PPM1H: variants seen among roughly 807,000 people sequenced by gnomAD.
PPM1H encodes protein phosphatase, Mg2+/Mn2+ dependent 1H, also known as protein phosphatase 1H.
Under a neutral mutation model 54.9 loss-of-function variants are expected in PPM1H, and 27 were observed. The ratio of observed to expected loss-of-function variants is 0.49; its 90% CI spans 0.36 to 0.68. The LOEUF is 0.68. Ranked by LOEUF, PPM1H falls within the 30% of genes least tolerant of loss-of-function variation. The pLI, the probability that PPM1H is intolerant of heterozygous loss-of-function variation, is 0.00. For missense variants in PPM1H, 596 were observed against 667.8 expected (o/e 0.89, Z 1.19); for synonymous variants, 305 against 270.8 (o/e 1.13, Z -1.24).
intron 3 of PPM1H, among the ~76,000 whole-genome samples, chr12:62,795,078 T>C (rs948422280): frequency 3.3e-5 from 5 of 152,116 alleles, no homozygotes; most frequent in Non-Finnish European, 4.4e-5. Flanking sequence ...TAAAAACCAG[T>C]GGTCATAGGT....
intron 4 of PPM1H, among the ~76,000 whole-genome samples, chr12:62,767,166 G>A (rs1246536274): frequency 6.6e-6 from 1 of 152,196 alleles, no homozygotes; most frequent in Non-Finnish European, 1.5e-5. Flanking sequence ...TGGAGTGTGG[G>A]AGGGAAGTGC....
intron 2 of PPM1H, among the ~76,000 whole-genome samples, chr12:62,822,033 T>C (rs1393580747): frequency 1.3e-5 from 2 of 151,890 alleles, no homozygotes; most frequent in Admixed American, 6.6e-5. Context: ...GAGACATACA[T>C]AGGCTCAAAA....
At chr12:62,762,619 T>C (rs916166936) in intron 4 of PPM1H, among the ~76,000 whole-genome samples, 1 of 152,240 alleles carries the variant, frequency 6.6e-6, no homozygotes, top group African/African-American at 2.4e-5. Flanking sequence ...GAAGATGCTA[T>C]ACAATCTGCA....
intron 1 of PPM1H, among the ~76,000 whole-genome samples, chr12:62,889,513 A>G (rs948880979): frequency 3.3e-5 from 5 of 151,942 alleles, no homozygotes; most frequent in African/African-American, 9.7e-5. Flanking sequence ...AAAAATATAT[A>G]TATAAAAATA....
intron 1 of PPM1H, among the ~76,000 whole-genome samples, chr12:62,866,700 C>A (rs1436988303): frequency 6.6e-6 from 1 of 152,072 alleles, no homozygotes; most frequent in Non-Finnish European, 1.5e-5. Context: ...AGAGGCTGAG[C>A]CAGAAATACC....
chr12:62,845,193 A>C (rs932698918), intron 1 of PPM1H, among the ~76,000 whole-genome samples: 4 of 152,252 alleles, frequency 2.6e-5, no homozygotes, highest in Admixed American at 2.0e-4. Flanking sequence ...CAGAAAGATA[A>C]TTCTGACACT....
chr12:62,931,714 T>A (rs1350728096), intron 1 of PPM1H, among the ~76,000 whole-genome samples: 1 of 152,216 alleles, frequency 6.6e-6, no homozygotes, highest in Non-Finnish European at 1.5e-5. Flanking sequence ...CACTCAGTGC[T>A]TCTGTATTCT....
At chr12:62,903,462 T>C (rs1310749294) in intron 1 of PPM1H, among the ~76,000 whole-genome samples, 1 of 152,184 alleles carries the variant, frequency 6.6e-6, no homozygotes, top group Admixed American at 6.5e-5. Flanking sequence ...TTTTGTGATA[T>C]TTGAAGGAAG....
Position 62,818,341 on chromosome 12 carries a change from C to A in PPM1H, c.411+13773G>T, listed in dbSNP as rs370723218. 4.6e-5 allele frequency among the ~76,000 whole-genome samples: 7 copies of A among 152,230 alleles called. No individual in the cohort carries two copies. In the East Asian group the frequency reaches 7.7e-4, roughly 17 times the overall value. ...AAGCTGTGTTTTCACCTGAGTATGG[C>A]AATCAGTATGATAAATAAAGACTCT... On this transcript the variant is annotated intron_variant, in intron 2 of 9. Coordinates refer to ENST00000228705, the MANE Select transcript of PPM1H (RefSeq NM_020700.2).
chr12:62,669,361 G>A (rs562465290), intron 8 of PPM1H, among the ~76,000 whole-genome samples: 1 of 152,324 alleles, frequency 6.6e-6, no homozygotes, highest in South Asian at 2.1e-4. Flanking sequence ...AATGTGCACA[G>A]AAGTCAGCTA....
At chr12:62,766,987 A>G (rs2076547806) in intron 4 of PPM1H, among the ~76,000 whole-genome samples, 2 of 152,220 alleles carry the variant, frequency 1.3e-5, no homozygotes, top group Non-Finnish European at 2.9e-5. Flanking sequence ...CAAGCAACAA[A>G]TAGGCTTGCT....
At chr12:62,736,219 C>T (rs912106502) in intron 5 of PPM1H, among the ~76,000 whole-genome samples, 1 of 152,266 alleles carries the variant, frequency 6.6e-6, no homozygotes, top group South Asian at 2.1e-4. Context: ...CCCTATCGTC[C>T]AGCTCTCCAT....
rs182165393 is a variant in PPM1H at position 62,846,101 on chromosome 12, T to A, written c.246-13822A>T. Reference sequence around the variant, plus strand: ...TAACCTGTCGTCTCTTCTTAGTAAATCCTGCACAGCAGGCCCGGACTGACC... The same window carrying A: ...TAACCTGTCGTCTCTTCTTAGTAAAACCTGCACAGCAGGCCCGGACTGACC... On this transcript the variant is annotated intron_variant, in intron 1 of 9. Coordinates refer to ENST00000228705, the MANE Select transcript of PPM1H (RefSeq NM_020700.2). 8.6e-3 allele frequency among the ~76,000 whole-genome samples: 1,302 copies of A among 152,280 alleles called. 26 individuals carry two copies. The highest frequency in any genetic ancestry group is 0.029 in the African/African-American group (1,187 of 41,550).
intron 8 of PPM1H, among the ~76,000 whole-genome samples, chr12:62,679,185 C>T (rs2076004834): frequency 6.6e-6 from 1 of 151,930 alleles, no homozygotes; most frequent in Admixed American, 6.6e-5. Flanking sequence ...TGGGGTTTCA[C>T]CATGTTGGCC....
intron 1 of PPM1H, among the ~76,000 whole-genome samples, chr12:62,911,849 T>A (rs1666870): frequency 6.6e-6 from 1 of 151,810 alleles, no homozygotes; most frequent in Non-Finnish European, 1.5e-5. Context: ...CACTGGTTGG[T>A]TAGCCCTCTC....
intron 5 of PPM1H, among the ~76,000 whole-genome samples, chr12:62,721,834 T>C (rs2076265488): frequency 6.6e-6 from 1 of 152,238 alleles, no homozygotes; most frequent in African/African-American, 2.4e-5. Context: ...TAGTTGTTTC[T>C]GCTTACAAAA....
intron 1 of PPM1H, among the ~76,000 whole-genome samples, chr12:62,843,951 T>C (rs1037498017): frequency 1.3e-5 from 2 of 152,124 alleles, no homozygotes; most frequent in African/African-American, 4.8e-5. Flanking sequence ...TCTCCCTAAT[T>C]TACAAGGGAA....
chr12:62,766,802 G>A (rs2076546702), intron 4 of PPM1H, among the ~76,000 whole-genome samples: 1 of 152,232 alleles, frequency 6.6e-6, no homozygotes, highest in Admixed American at 6.5e-5. Flanking sequence ...AGGGCCACAA[G>A]TGTGAGCTTC....
chr12:62,659,269 C>CAA (rs11349692), intron 9 of PPM1H: 4,517 of 91,348 alleles, frequency 0.049, 172 homozygotes, highest in African/African-American at 0.08. Context: ...GTAAAAACTG[C>CAA]AAAAAAAAAA....
Sources: allele counts gnomAD v4.1 joint callset (sites outside exome capture counted in the v4.1 genomes callset), GRCh38; gene constraint gnomAD v4.1.1; transcripts MANE v1.5; gene names NCBI Gene and HGNC (gene_info 2026-07-23, HGNC 2026-07-21).